ZHX3: variants seen among roughly 807,000 people sequenced by gnomAD.
ZHX3 encodes zinc fingers and homeoboxes 3.
ZHX3 carries 20 observed loss-of-function variants against 64.5 expected under a neutral mutation model. That is an observed-to-expected ratio of 0.31 (90% confidence interval 0.22 to 0.45). ZHX3 has a LOEUF of 0.45. ZHX3 is among the 20% of genes least tolerant of loss of function. The pLI is 1.00. For synonymous variants in ZHX3, 423 were observed against 461.6 expected (o/e 0.92, Z 1.07); for missense variants, 1,041 against 1,195.8 (o/e 0.87, Z 1.91).
intron 2 of ZHX3, among the ~76,000 whole-genome samples, chr20:41,262,990 T>A (rs945709678): frequency 6.6e-6 from 1 of 152,230 alleles, no homozygotes; most frequent in South Asian, 2.1e-4. Flanking sequence ...TTTGAAAGAT[T>A]GTTCACCTTT....
chr20:41,235,724 CCT>C (rs1370094550), intron 2 of ZHX3, among the ~76,000 whole-genome samples: 1 of 152,128 alleles, frequency 6.6e-6, no homozygotes, highest in Non-Finnish European at 1.5e-5. Flanking sequence ...ACAGGAATGC[CCT>C]CTCTCACCAC....
rs1033644359 is a variant in ZHX3 at position 41,180,884 on chromosome 20, C to G, written c.*4307G>C. 6.6e-6 allele frequency: 1 copy of G among 152,262 alleles called. No homozygotes were observed. The highest frequency in any genetic ancestry group is 1.5e-5 in the Non-Finnish European group (1 of 68,076). The allele number at this position is 152,262 out of a possible 1,614,324, so 9.4% of individuals were successfully genotyped here. A position where few individuals can be genotyped will look rare whatever the true frequency, so the allele number is the denominator to read the frequency against. On this transcript the variant is annotated 3_prime_UTR_variant, in exon 4 of 4. Transcript: ENST00000683867. Reference sequence around the variant, plus strand: ...GCATGGCCCAACCATGTCCCTGCCGCCCCACTTAAATGGCCAGAGAAAACT... The same window carrying G: ...GCATGGCCCAACCATGTCCCTGCCGGCCCACTTAAATGGCCAGAGAAAACT...
rs2037442823 is a variant in ZHX3, at chr20:41,195,887, C to A, written c.2860+6170G>T. ...TTTTTAAATAGTGTGTTAATTTCCA[C>A]CTATTTGTGTATTTCCACTTTTTTA... On this transcript the variant is annotated intron_variant, in intron 3 of 3. Coordinates refer to ENST00000683867, the MANE Select transcript of ZHX3 (RefSeq NM_001384317.1). The surrounding 1 kb of genome is among the most constrained non-coding windows in gnomAD (Gnocchi z 4.2). Among the ~76,000 whole-genome samples the A allele has an allele frequency of 6.6e-6, 1 of 152,134 alleles. No individual in the cohort carries two copies. Among genetic ancestry groups the A allele is most frequent in the East Asian group, 1.9e-4 (1 of 5,204 alleles).
intron 2 of ZHX3, among the ~76,000 whole-genome samples, chr20:41,220,141 G>A (rs1294631497): frequency 2.0e-5 from 3 of 152,228 alleles, no homozygotes; most frequent in Non-Finnish European, 4.4e-5. Context: ...GAGTGTTGTA[G>A]TGGAAGCATG....
chr20:41,304,288 C>T (rs970827109), intron 1 of ZHX3, among the ~76,000 whole-genome samples: 1 of 152,136 alleles, frequency 6.6e-6, no homozygotes, highest in African/African-American at 2.4e-5. Flanking sequence ...CAACTGACAG[C>T]TACACACTGG....
chr20:41,232,524 A>G lies in ZHX3; in HGVS notation c.-150-27458T>C, dbSNP rs2040680768. Among the ~76,000 whole-genome samples the G allele has an allele frequency of 1.3e-5, 2 of 152,210 alleles. No individual in the cohort carries two copies. The highest frequency in any genetic ancestry group is 2.4e-5 in the African/African-American group (1 of 41,444). On this transcript the variant is annotated intron_variant, in intron 2 of 3. Coordinates refer to ENST00000683867, the MANE Select transcript of ZHX3 (RefSeq NM_001384317.1). This position sits in a 1 kb window ranked among gnomAD's most constrained non-coding sequence, Gnocchi z 5.0. ...CGTAGCATACAACCACAGGAGTGGA[A>G]AAGAAAGAGATATGAAAATTGAAAC...
chr20:41,252,193 G>A (rs2042026483), intron 2 of ZHX3, among the ~76,000 whole-genome samples: 1 of 152,156 alleles, frequency 6.6e-6, no homozygotes, highest in Non-Finnish European at 1.5e-5. Flanking sequence ...TGAAAGACCA[G>A]GAAATGTCCT....
chr20:41,260,233 T>C (rs924071786), intron 2 of ZHX3, among the ~76,000 whole-genome samples: 3 of 151,680 alleles, frequency 2.0e-5, no homozygotes, highest in Non-Finnish European at 4.4e-5. Flanking sequence ...TTAAATAGTT[T>C]TGAAGTTCTG....
At chr20:41,303,231 A>C (rs2044876525) in intron 1 of ZHX3, among the ~76,000 whole-genome samples, 2 of 152,240 alleles carry the variant, frequency 1.3e-5, no homozygotes, top group Admixed American at 6.5e-5. Context: ...TGCAGCATCT[A>C]ATCTCTCAAA....
At chr20:41,294,510 C>T (rs546593616) in intron 1 of ZHX3, among the ~76,000 whole-genome samples, 1 of 151,844 alleles carries the variant, frequency 6.6e-6, no homozygotes, top group Non-Finnish European at 1.5e-5. Context: ...TACAGGCACC[C>T]CCCCACCACA....
rs928591958 is a variant in ZHX3 at position 41,224,137 on chromosome 20, T to C, written c.-150-19071A>G. 6.6e-6 allele frequency among the ~76,000 whole-genome samples: 1 copy of C among 152,160 alleles called. No homozygotes were observed. The highest frequency in any genetic ancestry group is 1.5e-5 in the Non-Finnish European group (1 of 68,014). ...GTGGGACAATATATGCAGTCCAACTTCTTTCCTAATTAAAAAATCCTGCAG... is the reference window on the plus strand; with the variant it reads ...GTGGGACAATATATGCAGTCCAACTCCTTTCCTAATTAAAAAATCCTGCAG... On this transcript the variant is annotated intron_variant, in intron 2 of 3. Transcript: ENST00000683867. This position sits in a 1 kb window ranked among gnomAD's most constrained non-coding sequence, Gnocchi z 5.2.
intron 2 of ZHX3, among the ~76,000 whole-genome samples, chr20:41,216,607 T>C (rs1371884188): frequency 6.6e-6 from 1 of 152,226 alleles, no homozygotes; most frequent in Non-Finnish European, 1.5e-5. Flanking sequence ...TGCATCATAG[T>C]TTATTTAACC....
At chr20:41,302,503 C>A (rs2044852956) in intron 1 of ZHX3, among the ~76,000 whole-genome samples, 1 of 152,194 alleles carries the variant, frequency 6.6e-6, no homozygotes, top group South Asian at 2.1e-4. Context: ...CTTCTCCATT[C>A]CCTCCTGGGG....
At chr20:41,270,526 A>G (rs996014007) in intron 1 of ZHX3, among the ~76,000 whole-genome samples, 1 of 152,010 alleles carries the variant, frequency 6.6e-6, no homozygotes, top group African/African-American at 2.4e-5. Flanking sequence ...ATACAAAAAA[A>G]TTAGCTGTGT....
At chr20:41,189,920 T>G (rs886693550) in intron 3 of ZHX3, among the ~76,000 whole-genome samples, 1 of 151,702 alleles carries the variant, frequency 6.6e-6, no homozygotes, top group African/African-American at 2.4e-5. Flanking sequence ...GAAGAAGGAT[T>G]TTCAGCTTTT....
intron 2 of ZHX3, among the ~76,000 whole-genome samples, chr20:41,244,931 A>C (rs2041600885): frequency 6.6e-6 from 1 of 152,170 alleles, no homozygotes; most frequent in African/African-American, 2.4e-5. Flanking sequence ...TACTTACTTC[A>C]GGGAGGGAGG....
intron 2 of ZHX3, among the ~76,000 whole-genome samples, chr20:41,236,520 G>A (rs1422663799): frequency 1.3e-5 from 2 of 152,262 alleles, no homozygotes; most frequent in East Asian, 1.9e-4. Context: ...AGAAATGGGG[G>A]AAGGATTCCC....
chr20:41,310,238 A>T (rs949525248), intron 1 of ZHX3, among the ~76,000 whole-genome samples: 1 of 151,898 alleles, frequency 6.6e-6, no homozygotes, highest in African/African-American at 2.4e-5. Flanking sequence ...CAGTTAATCC[A>T]TGGTCCTATC....
At chr20:41,253,082 G>A (rs1199098694) in intron 2 of ZHX3, among the ~76,000 whole-genome samples, 1 of 152,106 alleles carries the variant, frequency 6.6e-6, no homozygotes, top group East Asian at 1.9e-4. Context: ...AAGGACTGCA[G>A]GACTATTTTA....
Sources: gnomAD v4.1 joint callset for allele counts (sites outside exome capture counted in the v4.1 genomes callset) on GRCh38, gnomAD v4.1.1 for gene constraint, Gnocchi (gnomAD v3.1) non-coding constraint, MANE v1.5 for transcripts, NCBI Gene and HGNC (gene_info 2026-07-23, HGNC 2026-07-21) for gene names.